PATZ1: variants seen among roughly 807,000 people sequenced by gnomAD.
The protein encoded by PATZ1 is POZ-, AT hook-, and zinc finger-containing protein 1.
A neutral mutation model predicts 46.2 loss-of-function variants in PATZ1; 9 were observed. The observed-to-expected ratio is 0.19, with a 90% CI of 0.12 to 0.34. The LOEUF is 0.34. Ranked by LOEUF, PATZ1 falls within the 10% of genes least tolerant of loss-of-function variation. PATZ1 has a pLI of 1.00. For synonymous variants in PATZ1, 426 were observed against 378.6 expected (o/e 1.13, Z -1.45); for missense variants, 632 against 923.0 (o/e 0.68, Z 4.08).
In PATZ1 at chr22:31,328,861, T is replaced by C; in HGVS notation, c.1571A>G (p.Gln524Arg). 6.2e-7 allele frequency: 1 copy of C among 1,613,872 alleles called. No homozygotes were observed. The highest frequency in any genetic ancestry group is 8.5e-7 in the Non-Finnish European group (1 of 1,179,792). ...VKTHHGVPLP[Q>R]VSRHQEPILN... The stretch of plus-strand genomic sequence containing the variant: ...GATGGGCTCCTGGTGCCTGGAGACC[T>C]GGGGAAGGGGAACACCGTGGTGGGT... Residue 524 changes from glutamine to arginine, a missense_variant, in exon 4 of 5, where the codon CAG becomes CGG. By Grantham distance (43) the Gln-to-Arg change is conservative (BLOSUM62 1). Coordinates refer to ENST00000266269, the MANE Select transcript of PATZ1 (RefSeq NM_014323.3). This position sits in a 1 kb window ranked among gnomAD's most constrained non-coding sequence, Gnocchi z 4.8.
At position 31,328,421 on chromosome 22, in the gene PATZ1, C is replaced by T. The variant is rs1367191204; in HGVS notation, c.1645+366G>A. ...GAAAGCATTCAGCCGCAGCTCCACA[C>T]CATCCTAAAGGGCAGCAGGCAGTGA... On this transcript the variant is annotated intron_variant, in intron 4 of 4. Coordinates refer to ENST00000266269, the MANE Select transcript of PATZ1 (RefSeq NM_014323.3). The surrounding 1 kb of genome is among the most constrained non-coding windows in gnomAD (Gnocchi z 4.8). Among the ~76,000 whole-genome samples, 1 of 152,238 alleles carries T rather than the reference C, an allele frequency of 6.6e-6. No homozygotes were observed. Among genetic ancestry groups the T allele is most frequent in the Non-Finnish European group, 1.5e-5 (1 of 68,044 alleles).
At chr22:31,331,165 A>C (rs1172006645) in intron 3 of PATZ1, among the ~76,000 whole-genome samples, 1 of 152,170 alleles carries the variant, frequency 6.6e-6, no homozygotes, top group African/African-American at 2.4e-5. Context: ...GGGAGGCTGT[A>C]GTCAGGAGTG....
chr22:31,329,546 A>G (rs1183627981), intron 3 of PATZ1, among the ~76,000 whole-genome samples: 1 of 152,214 alleles, frequency 6.6e-6, no homozygotes, highest in Non-Finnish European at 1.5e-5. Context: ...CAAAGACAAA[A>G]ATAGGAAGTT....
intron 1 of PATZ1, among the ~76,000 whole-genome samples, chr22:31,343,857 T>A (rs1266209823): frequency 1.3e-5 from 2 of 151,986 alleles, no homozygotes; most frequent in African/African-American, 4.8e-5. Context: ...ACAGCTGGAG[T>A]CTACTGATCA....
In PATZ1 at chr22:31,326,150, C is replaced by T. The variant is rs974747071; in HGVS notation, c.*741G>A. On this transcript the variant is annotated 3_prime_UTR_variant, in exon 5 of 5. Coordinates refer to ENST00000266269, the MANE Select transcript of PATZ1 (RefSeq NM_014323.3). Reference sequence around the variant, plus strand: ...GATAGCTTTCAGTAGCAATTCACTACAACTGGTCCTAAAAAATAATAACAA... The same window carrying T: ...GATAGCTTTCAGTAGCAATTCACTATAACTGGTCCTAAAAAATAATAACAA... 5 of 222,916 alleles carry T rather than the reference C, an allele frequency of 2.2e-5. No individual in the cohort carries two copies. The highest frequency in any genetic ancestry group is 6.7e-5 in the African/African-American group (3 of 44,828). The allele number at this position is 222,916 out of a possible 1,614,324, so 13.8% of individuals were successfully genotyped here.
Position 31,345,230 on chromosome 22 carries a change from G to C in PATZ1, c.373C>G (p.Arg125Gly). ...AAGCTCTCCAAGCGCACCACGATGCGGGAAGTGTAGGCGAAGTCCAGAATG... is the reference window on the plus strand; with the variant it reads ...AAGCTCTCCAAGCGCACCACGATGCCGGAAGTGTAGGCGAAGTCCAGAATG... Reference protein sequence around the residue: ...GDILDFAYTSRIVVRLESFPE... With the variant: ...GDILDFAYTSGIVVRLESFPE... The change falls in exon 1 of 5, where the codon CGC becomes GGC. Residue 125 changes from arginine (R) to glycine (G), a missense_variant. By Grantham distance (125) the Arg-to-Gly change is moderately radical. Coordinates refer to ENST00000266269, the MANE Select transcript of PATZ1 (RefSeq NM_014323.3). The surrounding 1 kb of genome is among the most constrained non-coding windows in gnomAD (Gnocchi z 7.4). 1 of 1,613,552 alleles carries C rather than the reference G, an allele frequency of 6.2e-7. No homozygotes were observed. The highest frequency in any genetic ancestry group is 8.5e-7 in the Non-Finnish European group (1 of 1,179,616).
chr22:31,327,291 T>C lies in PATZ1; in HGVS notation c.1664A>G (p.His555Arg). 2.5e-6 allele frequency: 4 copies of C among 1,613,700 alleles called. No homozygotes were observed. The highest frequency in any genetic ancestry group is 2.5e-6 in the Non-Finnish European group (3 of 1,179,732). ...YGNKEGQKCS[H>R]QDPIESSDSY... is the part of the protein sequence containing the mutation. Reference sequence around the variant, plus strand: ...GTCAGAGCTCTCAATCGGATCCTGATGTGAGCATTTCTGGCCTTCTACGAA... The same window carrying C: ...GTCAGAGCTCTCAATCGGATCCTGACGTGAGCATTTCTGGCCTTCTACGAA... The change falls in exon 5 of 5, where the codon CAT (histidine) becomes CGT (arginine). Residue 555 changes from histidine (H) to arginine (R), a missense_variant. His to Arg is a conservative substitution (Grantham distance 29, BLOSUM62 0). Around this residue, in one of 7 missense-constraint regions of PATZ1, gnomAD observed 176 missense variants for 249.4 expected, o/e 0.71. Transcript: ENST00000266269. This position sits in a 1 kb window ranked among gnomAD's most constrained non-coding sequence, Gnocchi z 4.2.
chr22:31,340,653 G>C (rs1267651261), intron 2 of PATZ1: 1 of 1,015,914 alleles, frequency 9.8e-7, no homozygotes, highest in Admixed American at 5.9e-5. Context: ...CACAGACCAA[G>C]GACAAAACAC....
At position 31,327,333 on chromosome 22, in the gene PATZ1, G is replaced by C; in HGVS notation, c.1646-24C>G. On this transcript the variant is annotated intron_variant, in intron 4 of 4. Transcript: ENST00000266269. The surrounding 1 kb of genome is among the most constrained non-coding windows in gnomAD (Gnocchi z 4.2). The stretch of plus-strand genomic sequence containing the variant: ...TTCTACGAAAAAACAAAATATAGGA[G>C]AGCGATGAGGCCAGGCTCTGGAGAT... The C allele has an allele frequency of 1.9e-6, 3 of 1,598,940 alleles. No homozygotes were observed. The highest frequency in any genetic ancestry group is 1.7e-6 in the Non-Finnish European group (2 of 1,170,734).
intron 2 of PATZ1, among the ~76,000 whole-genome samples, chr22:31,341,951 C>A (rs1272219175): frequency 6.6e-6 from 1 of 152,188 alleles, no homozygotes; most frequent in Non-Finnish European, 1.5e-5. Context: ...GGGGCTCTGC[C>A]CTACTTACGG....
At position 31,345,852 on chromosome 22, in the gene PATZ1, T is replaced by TCCGC. The variant is rs554252460; in HGVS notation, c.-254_-251dup. ...CTGGACTGCGCGCCACTCTCTCCTCTCCGCCCGCCCGCCTCCCCTTCCCGG... is the reference window on the plus strand; with the variant it reads ...CTGGACTGCGCGCCACTCTCTCCTCTCCGCCCGCCCGCCCGCCTCCCCTTCCCGG... On this transcript the variant is annotated 5_prime_UTR_variant, in exon 1 of 5. Transcript: ENST00000266269. This position sits in a 1 kb window ranked among gnomAD's most constrained non-coding sequence, Gnocchi z 7.4. 7.6e-6 allele frequency: 3 copies of TCCGC among 392,354 alleles called. No individual in the cohort carries two copies. The highest frequency in any genetic ancestry group is 2.1e-5 in the African/African-American group (1 of 47,696). 24.3% of individuals were successfully genotyped at this position (392,354 alleles called of 1,614,324 possible). A position where few individuals can be genotyped will look rare whatever the true frequency, so the allele number is the denominator to read the frequency against.
In PATZ1 at chr22:31,346,050, T is replaced by A. The variant is rs1332597526; in HGVS notation, c.-448A>T. 1.2e-5 allele frequency: 2 copies of A among 164,302 alleles called. No homozygotes were observed. The highest frequency in any genetic ancestry group is 1.3e-5 in the Non-Finnish European group (1 of 75,420). The allele number at this position is 164,302 out of a possible 1,614,324, so 10.2% of individuals were successfully genotyped here. On this transcript the variant is annotated 5_prime_UTR_variant, in exon 1 of 5. Coordinates refer to ENST00000266269, the MANE Select transcript of PATZ1 (RefSeq NM_014323.3). ...AGGCGCGCGCGCGCGCCGCGGCTTT[T>A]CCCGGGCCCGCTGGGGGCGCGCGCT...
At chr22:31,341,700 G>A in intron 2 of PATZ1, 1 of 1,596,156 alleles carries the variant, frequency 6.3e-7, no homozygotes, top group Non-Finnish European at 8.5e-7. Context: ...AAAGGGCAGA[G>A]AGTGCAGGTT....
chr22:31,335,614 G>C, intron 3 of PATZ1, 78 bp downstream of exon 3: 1 of 1,379,148 alleles, frequency 7.3e-7, no homozygotes, highest in South Asian at 1.3e-5. Flanking sequence ...TCTGAGGCAG[G>C]GTGATTGAGA....
intron 3 of PATZ1, among the ~76,000 whole-genome samples, chr22:31,332,488 C>T (rs1337137492): frequency 6.6e-6 from 1 of 152,222 alleles, no homozygotes; most frequent in Non-Finnish European, 1.5e-5. Flanking sequence ...CCCTTTCACT[C>T]CAGAGACGAT....
chr22:31,346,003 G>A lies in PATZ1; in HGVS notation c.-401C>T, dbSNP rs996315737. 1.0e-5 allele frequency: 2 copies of A among 193,476 alleles called. No homozygotes were observed. The highest frequency in any genetic ancestry group is 1.1e-5 in the Non-Finnish European group (1 of 93,410). The allele number at this position is 193,476 out of a possible 1,614,324, so 12.0% of individuals were successfully genotyped here. On this transcript the variant is annotated 5_prime_UTR_variant, in exon 1 of 5. Transcript: ENST00000266269. ...AAGAAGGGCACGCGCACGCGGGGAGGAGAAGGAGGGGTCCGCCGCGCAGGC... is the reference window on the plus strand; with the variant it reads ...AAGAAGGGCACGCGCACGCGGGGAGAAGAAGGAGGGGTCCGCCGCGCAGGC...
chr22:31,342,763 G>A (rs1448325044), intron 2 of PATZ1, 134 bp downstream of exon 2: 5 of 832,004 alleles, frequency 6.0e-6, no homozygotes, highest in Non-Finnish European at 7.8e-6. Flanking sequence ...GGAGGGTGGA[G>A]GAACAGAGGG....
Position 31,342,976 on chromosome 22 carries a change from C to G in PATZ1, c.1272-16G>C, listed in dbSNP as rs555628199. On this transcript the variant is annotated splice_polypyrimidine_tract_variant and intron_variant, in intron 1 of 4. Coordinates refer to ENST00000266269, the MANE Select transcript of PATZ1 (RefSeq NM_014323.3). Reference sequence around the variant, plus strand: ...GTGATCAGGCCTGGAAAAGAGAGAACCAAGAGGGACTTTAGAAACTTGGCC... The same window carrying G: ...GTGATCAGGCCTGGAAAAGAGAGAAGCAAGAGGGACTTTAGAAACTTGGCC... 8 of 1,613,644 alleles carry G rather than the reference C, an allele frequency of 5.0e-6. No homozygotes were observed. Among genetic ancestry groups the G allele is most frequent in the Non-Finnish European group, 5.9e-6 (7 of 1,179,774 alleles).
intron 2 of PATZ1, among the ~76,000 whole-genome samples, chr22:31,339,681 A>C (rs2049555790): frequency 6.6e-6 from 1 of 152,140 alleles, no homozygotes. Flanking sequence ...GTGCTTAGTT[A>C]GACAGCCTGC....
Sources: allele counts gnomAD v4.1 joint callset (sites outside exome capture counted in the v4.1 genomes callset), GRCh38; gene constraint gnomAD v4.1.1; regional missense constraint gnomAD v4.1.1; non-coding constraint Gnocchi (gnomAD v3.1); transcripts MANE v1.5; gene names NCBI Gene and HGNC (gene_info 2026-07-23, HGNC 2026-07-21).